The following EP400 variants were observed in gnomAD, a reference collection of about 807,000 sequenced individuals.
The protein encoded by EP400 is E1A binding protein p400, also known as E1A-binding protein p400.
A neutral mutation model predicts 354.1 loss-of-function variants in EP400; 105 were observed. That is an observed-to-expected ratio of 0.30 (90% CI 0.25 to 0.35). The LOEUF (loss-of-function observed/expected upper bound fraction) is 0.35, where lower values mean the gene tolerates loss of function less well. Ranked by LOEUF, EP400 falls within the 10% of genes least tolerant of loss-of-function variation. EP400 has a pLI of 1.00. For missense variants in EP400, 3,280 were observed against 4,121.0 expected, an observed-to-expected ratio of 0.80 and a Z score of 5.59; for synonymous variants, 1,646 against 1,716.9, an observed-to-expected ratio of 0.96 and a Z score of 1.02.
chr12:131,991,577 T>A, intron 10 of EP400, 121 bp downstream of exon 10: 3 of 160,098 alleles, frequency 1.9e-5, no homozygotes, highest in Non-Finnish European at 3.3e-5. Context: ...CTTTCTTTTC[T>A]TTTTTTTTTT....
chr12:132,002,412 G>A (rs1219262893), intron 12 of EP400, among the ~76,000 whole-genome samples: 1 of 152,078 alleles, frequency 6.6e-6, no homozygotes, highest in Non-Finnish European at 1.5e-5. Context: ...ATCTGATTAT[G>A]GTGCGCATTC....
At chr12:132,073,539 C>T (rs899335486) in intron 51 of EP400, among the ~76,000 whole-genome samples, 10 of 146,782 alleles carry the variant, frequency 6.8e-5, no homozygotes, top group African/African-American at 2.4e-4. Context: ...CTGCAACTTC[C>T]GCCTCCTGTG....
chr12:132,075,501 A>T lies in EP400; in HGVS notation c.9022-1015A>T, dbSNP rs1414337909. ...TGCTGTGCCAAGTAAGTCCTGGACCATTGTGGTCTTGAGATGGGCCCTGGA... is the reference window on the plus strand; with the variant it reads ...TGCTGTGCCAAGTAAGTCCTGGACCTTTGTGGTCTTGAGATGGGCCCTGGA... On this transcript the variant is annotated intron_variant, in intron 51 of 52. Transcript: ENST00000389561. The surrounding 1 kb of genome is among the most constrained non-coding windows in gnomAD (Gnocchi z 4.5). Among the ~76,000 whole-genome samples, 1 of 152,154 alleles carries T rather than the reference A, an allele frequency of 6.6e-6. No individual in the cohort carries two copies. Among genetic ancestry groups the T allele is most frequent in the Non-Finnish European group, 1.5e-5 (1 of 68,024 alleles).
chr12:132,006,739 A>G lies in EP400; in HGVS notation c.3166A>G (p.Arg1056Gly). ...NAPSLLYGAL[R>G]DYQKIGLDWL... ...TCCATCTTTGTTGTATGGGGCTCTC[A>G]GAGATTATCAGAAGATTGGCCTGGA... The change falls in exon 15 of 53, where the codon AGA (arginine) becomes GGA (glycine). Residue 1056 changes from arginine to glycine, a missense_variant. Physicochemically the swap from Arg to Gly is moderately radical, Grantham distance 125. Around this residue, in one of 20 missense-constraint regions of EP400, gnomAD observed 800 missense variants for 840.0 expected, o/e 0.95. Transcript: ENST00000389561. The G allele has an allele frequency of 6.2e-7, 1 of 1,612,540 alleles. No homozygotes were observed. Among genetic ancestry groups the G allele is most frequent in the Non-Finnish European group, 8.5e-7 (1 of 1,179,602 alleles).
At position 132,052,136 on chromosome 12, in the gene EP400, G is replaced by T. The variant is rs1593375500; in HGVS notation, c.7395-1010G>T. 6.6e-6 allele frequency among the ~76,000 whole-genome samples: 1 copy of T among 152,176 alleles called. No homozygotes were observed. Among genetic ancestry groups the T allele is most frequent in the Non-Finnish European group, 1.5e-5 (1 of 68,028 alleles). ...CAACTAATGATTAATGATATTCATA[G>T]ATAATCATATCTAAGATCTATATCT... On this transcript the variant is annotated intron_variant, in intron 41 of 52. Transcript: ENST00000389561. This position sits in a 1 kb window ranked among gnomAD's most constrained non-coding sequence, Gnocchi z 4.4.
In EP400 at chr12:132,038,157, C is replaced by A; in HGVS notation, c.6207+61C>A. 1 of 1,601,020 alleles carries A rather than the reference C, an allele frequency of 6.2e-7. No homozygotes were observed. Among genetic ancestry groups the A allele is most frequent in the Non-Finnish European group, 8.5e-7 (1 of 1,172,100 alleles). On this transcript the variant is annotated intron_variant, in intron 32 of 52. Transcript: ENST00000389561. This position sits in a 1 kb window ranked among gnomAD's most constrained non-coding sequence, Gnocchi z 4.2. ...GGTGGGAGCCGGCGGAACACCTGCA[C>A]CCTCCCCCAGGGTTCTGGGTGCTCA...
rs1050964408 is a variant in EP400 at position 132,013,373 on chromosome 12, G to A, written c.3612-117G>A. The A allele has an allele frequency of 3.0e-5, 42 of 1,416,330 alleles. No individual in the cohort carries two copies. Among genetic ancestry groups the A allele is most frequent in the Middle Eastern group, 2.0e-4 (1 of 5,046 alleles). 87.7% of individuals were successfully genotyped at this position (1,416,330 alleles called of 1,614,324 possible). On this transcript the variant is annotated intron_variant, in intron 17 of 52. Transcript: ENST00000389561. The surrounding 1 kb of genome is among the most constrained non-coding windows in gnomAD (Gnocchi z 4.5). ...AGCCCCCCTTTTCAGGCATGTGCAC[G>A]TTGACATTTGCGGTGTCAAATTACT...
intron 12 of EP400, among the ~76,000 whole-genome samples, chr12:132,004,200 C>T (rs953531664): frequency 6.6e-6 from 1 of 152,192 alleles, no homozygotes; most frequent in Non-Finnish European, 1.5e-5. Context: ...TTATCAGCAG[C>T]ATGTGGGAGT....
chr12:131,951,065 ATTTTTTTTTTTT>A (rs750396319), intron 1 of EP400, among the ~76,000 whole-genome samples: 2 of 104,200 alleles, frequency 1.9e-5, no homozygotes, highest in African/African-American at 7.6e-5. Context: ...ACGCCTGGCT[ATTTTTTTTTTTT>A]TTTTTTTTTT....
At chr12:132,028,770 G>A (rs1333505133) in intron 27 of EP400, among the ~76,000 whole-genome samples, 2 of 152,186 alleles carry the variant, frequency 1.3e-5, no homozygotes, top group East Asian at 1.9e-4. Context: ...AGTAGAGTGC[G>A]TTACCCTGTT....
chr12:132,058,761 G>C (rs1299409290), intron 45 of EP400, among the ~76,000 whole-genome samples: 1 of 151,710 alleles, frequency 6.6e-6, no homozygotes, highest in Non-Finnish European at 1.5e-5. Flanking sequence ...GATTAGAGTA[G>C]AAGAGGCTAA....
chr12:132,044,043 G>T, intron 34 of EP400, 134 bp from the exon 35 acceptor site: 1 of 1,270,808 alleles, frequency 7.9e-7, no homozygotes, highest in Admixed American at 2.2e-5. Flanking sequence ...CTGCTTGTGG[G>T]GGTGATGCAT....
In EP400 at chr12:132,017,978, T is replaced by C. The variant is rs555629267; in HGVS notation, c.4111-232T>C. 6.6e-6 allele frequency among the ~76,000 whole-genome samples: 1 copy of C among 152,228 alleles called. No individual in the cohort carries two copies. The highest frequency in any genetic ancestry group is 6.5e-5 in the Admixed American group (1 of 15,300). On this transcript the variant is annotated intron_variant, in intron 20 of 52. Transcript: ENST00000389561. This position sits in a 1 kb window ranked among gnomAD's most constrained non-coding sequence, Gnocchi z 5.0. ...GAGGGCAGGCTTTCTTGGCGTTGTG[T>C]GGATTGTGGGCTGTGAGAAGTAGCT... is the stretch of plus-strand genomic sequence containing the variant.
chr12:132,035,656 G>A (rs1894670601), intron 30 of EP400, among the ~76,000 whole-genome samples: 1 of 140,400 alleles, frequency 7.1e-6, no homozygotes, highest in Non-Finnish European at 1.5e-5. Flanking sequence ...ACAGCATCGT[G>A]GAACGACACA....
intron 22 of EP400, 76 bp downstream of exon 22, chr12:132,020,294 C>T (rs560509356): frequency 2.0e-5 from 30 of 1,470,186 alleles, no homozygotes; most frequent in East Asian, 1.0e-4. Flanking sequence ...TTTCTTCTCG[C>T]GCCTCTGGAT....
rs137858102 is a variant in EP400 at position 132,028,032 on chromosome 12, C to A, written c.5125C>A (p.Leu1709Ile). ...GGPTQEEKTR[L>I]LKERLDQIYL... ...TTTGATAAAGGAGGAAAAGACCAGA[C>A]TCTTGAAAGAGCGCCTGGATCAGAT... Residue 1709 changes from leucine (L) to isoleucine (I), a missense_variant, in exon 27 of 53, where the codon CTC (leucine) becomes ATC (isoleucine). Physicochemically the swap from Leu to Ile is conservative, Grantham distance 5 (BLOSUM62 2). This residue lies in a region of EP400 where 459 missense variants were observed against 496.9 expected (regional missense o/e 0.92). Coordinates refer to ENST00000389561, the MANE Select transcript of EP400 (RefSeq NM_015409.5). The A allele has an allele frequency of 6.2e-7, 1 of 1,613,454 alleles. No individual in the cohort carries two copies. The highest frequency in any genetic ancestry group is 8.5e-7 in the Non-Finnish European group (1 of 1,179,390).
At chr12:132,022,192 T>C (rs1193830638) in intron 23 of EP400, among the ~76,000 whole-genome samples, 1 of 152,248 alleles carries the variant, frequency 6.6e-6, no homozygotes, top group Non-Finnish European at 1.5e-5. Flanking sequence ...ATTTTACATC[T>C]TCATCAAACT....
chr12:131,999,799 A>G (rs542410329), intron 12 of EP400, among the ~76,000 whole-genome samples: 12 of 152,176 alleles, frequency 7.9e-5, no homozygotes, highest in South Asian at 2.1e-4. Flanking sequence ...ATGATAGTCA[A>G]ATTTTCTAGG....
At chr12:131,989,825 C>T (rs1379182171) in intron 7 of EP400, 139 bp from the exon 8 acceptor site, 13 of 934,912 alleles carry the variant, frequency 1.4e-5, no homozygotes, top group Non-Finnish European at 2.0e-5. Flanking sequence ...CCTAATCCAC[C>T]CTAAGAGCAT....
Sources: gnomAD v4.1 joint callset for allele counts (sites outside exome capture counted in the v4.1 genomes callset) on GRCh38, gnomAD v4.1.1 for gene constraint, gnomAD v4.1.1 regional missense constraint, Gnocchi (gnomAD v3.1) non-coding constraint, MANE v1.5 for transcripts, NCBI Gene and HGNC (gene_info 2026-07-23, HGNC 2026-07-21) for gene names.